Variants in PCED1B observed in about 807,000 individuals in gnomAD.
PCED1B encodes PC-esterase domain-containing protein 1B.
For missense variants in PCED1B, 573 were observed against 573.9 expected, an observed-to-expected ratio of 1.00 and a Z score of 0.02; for synonymous variants, 251 against 246.1, an observed-to-expected ratio of 1.02 and a Z score of -0.19.
intron 2 of PCED1B, among the ~76,000 whole-genome samples, chr12:47,203,476 C>T (rs546451145): frequency 2.0e-4 from 30 of 152,196 alleles, no homozygotes; most frequent in Non-Finnish European, 3.7e-4. Flanking sequence ...TCTCACCCTC[C>T]GACAGGCCCT....
At chr12:47,158,327 T>C (rs1941260315) in intron 2 of PCED1B, among the ~76,000 whole-genome samples, 1 of 152,240 alleles carries the variant, frequency 6.6e-6, no homozygotes, top group Admixed American at 6.5e-5. Context: ...TGTTTTGTTT[T>C]GTTTTTTACA....
chr12:47,236,644 A>G lies in PCED1B; in HGVS notation c.*282A>G. The G allele has an allele frequency of 2.9e-6, 1 of 346,890 alleles. No individual in the cohort carries two copies. Among genetic ancestry groups the G allele is most frequent in the East Asian group, 5.0e-5 (1 of 20,000 alleles). The allele number at this position is 346,890 out of a possible 1,614,324, so 21.5% of individuals were successfully genotyped here. A position where few individuals can be genotyped will look rare whatever the true frequency, so the allele number is the denominator to read the frequency against. On this transcript the variant is annotated 3_prime_UTR_variant, in exon 4 of 4. Coordinates refer to ENST00000546455, the MANE Select transcript of PCED1B (RefSeq NM_138371.3). Reference sequence around the variant, plus strand: ...CTTTGTGTAAAAATAAAATGGAAATAAACAAGTTGCACAGAAGTAGTTGTG... The same window carrying G: ...CTTTGTGTAAAAATAAAATGGAAATGAACAAGTTGCACAGAAGTAGTTGTG...
intron 1 of PCED1B, among the ~76,000 whole-genome samples, chr12:47,094,402 G>A (rs1007323597): frequency 6.6e-6 from 1 of 152,050 alleles, no homozygotes; most frequent in African/African-American, 2.4e-5. Flanking sequence ...TTTACATTCA[G>A]TGTAATCACT....
intron 2 of PCED1B, among the ~76,000 whole-genome samples, chr12:47,123,986 A>G (rs1325336018): frequency 6.6e-6 from 1 of 152,022 alleles, no homozygotes; most frequent in Non-Finnish European, 1.5e-5. Context: ...AAACAGTGCA[A>G]TGAACATCTT....
intron 2 of PCED1B, among the ~76,000 whole-genome samples, chr12:47,199,246 A>G (rs1942695353): frequency 6.6e-6 from 1 of 152,238 alleles, no homozygotes; most frequent in Non-Finnish European, 1.5e-5. Flanking sequence ...AAATCAAATG[A>G]CTAAATAAAT....
intron 2 of PCED1B, among the ~76,000 whole-genome samples, chr12:47,111,813 G>A (rs373510850): frequency 5.3e-5 from 8 of 152,112 alleles, no homozygotes; most frequent in Admixed American, 1.3e-4. Context: ...GAGGTACCTC[G>A]GTTTATTTAC....
At chr12:47,218,852 G>A (rs574718385) in intron 3 of PCED1B, among the ~76,000 whole-genome samples, 61 of 151,718 alleles carry the variant, frequency 4.0e-4, no homozygotes, top group Non-Finnish European at 8.2e-4. Context: ...TCCATAGATC[G>A]GCCGCCTGTG....
At chr12:47,129,050 C>T (rs1322134647) in intron 2 of PCED1B, among the ~76,000 whole-genome samples, 1 of 152,210 alleles carries the variant, frequency 6.6e-6, no homozygotes, top group Non-Finnish European at 1.5e-5. Context: ...CAGCTGCTCT[C>T]TTCTTTCCTT....
intron 1 of PCED1B, among the ~76,000 whole-genome samples, chr12:47,098,694 G>A (rs1384433131): frequency 1.3e-5 from 2 of 152,180 alleles, no homozygotes; most frequent in Admixed American, 6.5e-5. Flanking sequence ...GTGTAAGCCA[G>A]GATGGTCTTG....
chr12:47,142,253 C>T (rs1223347676), intron 2 of PCED1B, among the ~76,000 whole-genome samples: 1 of 152,192 alleles, frequency 6.6e-6, no homozygotes, highest in Non-Finnish European at 1.5e-5. Context: ...GCAGCAGTCA[C>T]ATTGCCCAAC....
At chr12:47,121,458 A>C (rs1490611586) in intron 2 of PCED1B, among the ~76,000 whole-genome samples, 1 of 152,244 alleles carries the variant, frequency 6.6e-6, no homozygotes, top group African/African-American at 2.4e-5. Context: ...TGAGTATTTT[A>C]ATTAATTTAA....
rs1354949925 is a variant in PCED1B at position 47,235,718 on chromosome 12, C to T, written c.655C>T (p.Arg219Cys). The part of the protein sequence containing the change: ...FDVLDLHFHF[R>C]HARENLHWDG... ...TGTACTGGACTTGCATTTCCACTTC[C>T]GCCACGCGAGGGAGAACCTGCACTG... is the stretch of plus-strand genomic sequence containing the variant. The change falls in exon 4 of 4, where the codon CGC becomes TGC. Residue 219 changes from arginine (R) to cysteine (C), a missense_variant. Coordinates refer to ENST00000546455, the MANE Select transcript of PCED1B (RefSeq NM_138371.3). 6 of 1,611,206 alleles carry T rather than the reference C, an allele frequency of 3.7e-6. No homozygotes were observed. In the South Asian group the frequency reaches 4.4e-5, roughly 12 times the overall value.
chr12:47,170,055 G>A (rs981479300), intron 2 of PCED1B, among the ~76,000 whole-genome samples: 12 of 152,018 alleles, frequency 7.9e-5, no homozygotes, highest in African/African-American at 1.4e-4. Flanking sequence ...CTTCCACAGC[G>A]TTTGTGTCCC....
chr12:47,181,276 C>T (rs977557955), intron 2 of PCED1B, among the ~76,000 whole-genome samples: 7 of 152,006 alleles, frequency 4.6e-5, no homozygotes, highest in Admixed American at 2.0e-4. Context: ...TTAGCCACTG[C>T]GCTTGGCCTT....
chr12:47,158,092 TG>T (rs1941252662), intron 2 of PCED1B, among the ~76,000 whole-genome samples: 1 of 152,258 alleles, frequency 6.6e-6, no homozygotes, highest in African/African-American at 2.4e-5. Context: ...ACATTTTACC[TG>T]TTATGAATTA....
At chr12:47,113,214 C>T (rs1939275168) in intron 2 of PCED1B, among the ~76,000 whole-genome samples, 1 of 152,056 alleles carries the variant, frequency 6.6e-6, no homozygotes, top group Non-Finnish European at 1.5e-5. Context: ...TAATACTGTA[C>T]AAGTGAGGAC....
chr12:47,208,099 A>T (rs1942964871), intron 2 of PCED1B, among the ~76,000 whole-genome samples: 1 of 152,238 alleles, frequency 6.6e-6, no homozygotes, highest in East Asian at 1.9e-4. Context: ...AGCTATAAGA[A>T]GTTTTCCCAG....
At chr12:47,177,172 A>G (rs1238449733) in intron 2 of PCED1B, among the ~76,000 whole-genome samples, 2 of 152,182 alleles carry the variant, frequency 1.3e-5, no homozygotes, top group African/African-American at 4.8e-5. Context: ...ATCCAGTCAT[A>G]AAGTGCCCAA....
intron 3 of PCED1B, among the ~76,000 whole-genome samples, chr12:47,219,793 AT>A (rs1264943573): frequency 6.6e-6 from 1 of 152,076 alleles, no homozygotes; most frequent in Non-Finnish European, 1.5e-5. Flanking sequence ...AGATAATATG[AT>A]TTTTTTTCTT....
Sources: gnomAD v4.1 joint callset for allele counts (sites outside exome capture counted in the v4.1 genomes callset) on GRCh38, gnomAD v4.1.1 for gene constraint, MANE v1.5 for transcripts, NCBI Gene and HGNC (gene_info 2026-07-23, HGNC 2026-07-21) for gene names.